The following MAP3K5 variants were observed in gnomAD, a reference collection of about 807,000 sequenced individuals.
MAP3K5 encodes ASK-1.
In MAP3K5, 56 loss-of-function variants were observed where a neutral mutation model predicts 158.7. That is an observed-to-expected ratio of 0.35 (90% CI 0.28 to 0.44). MAP3K5 has a LOEUF of 0.44. Ranked by LOEUF, MAP3K5 falls within the 20% of genes least tolerant of loss-of-function variation. The pLI is 1.00. For synonymous variants in MAP3K5, 579 were observed against 601.7 expected (o/e 0.96, Z 0.55); for missense variants, 1,294 against 1,674.8 (o/e 0.77, Z 3.97).
intron 1 of MAP3K5, among the ~76,000 whole-genome samples, chr6:136,777,413 T>G (rs1293197426): frequency 6.6e-6 from 1 of 152,176 alleles, no homozygotes; most frequent in East Asian, 1.9e-4. Flanking sequence ...TAAAGTGCAG[T>G]GGTGCAATTG....
chr6:136,776,181 T>C (rs1004203707), intron 1 of MAP3K5, among the ~76,000 whole-genome samples: 5 of 152,228 alleles, frequency 3.3e-5, no homozygotes, highest in Non-Finnish European at 4.4e-5. Context: ...GTATACACGA[T>C]TCGTCTAAAG....
chr6:136,701,881 A>G (rs1263335549), intron 3 of MAP3K5, among the ~76,000 whole-genome samples: 1 of 152,250 alleles, frequency 6.6e-6, no homozygotes, highest in African/African-American at 2.4e-5. Context: ...TTGATACTAC[A>G]TATATTAGTT....
rs1266911449 is a variant in MAP3K5, at chr6:136,757,575, A to ATTTTTT, written c.448+34134_448+34135insAAAAAA. On this transcript the variant is annotated intron_variant, in intron 1 of 29. Transcript: ENST00000359015. The stretch of plus-strand genomic sequence containing the variant: ...GAGAACTCATTTTATAGATTTATTT[A>ATTTTTT]TTTATTTTTTATTTTTTTTTTTTTT... Among the ~76,000 whole-genome samples, 42 of 111,316 alleles carry ATTTTTT rather than the reference A, an allele frequency of 3.8e-4. 1 individual carries two copies. The highest frequency in any genetic ancestry group is 1.2e-3 in the African/African-American group (36 of 30,396). The allele number at this position is 111,316 out of a possible 152,430, so 73.0% of individuals were successfully genotyped here. A position where few individuals can be genotyped will look rare whatever the true frequency, so the allele number is the denominator to read the frequency against.
chr6:136,648,724 T>G (rs1433263790), intron 11 of MAP3K5, among the ~76,000 whole-genome samples: 1 of 152,130 alleles, frequency 6.6e-6, no homozygotes, highest in Non-Finnish European at 1.5e-5. Context: ...CCGGGACTGG[T>G]GATTTCTTGC....
chr6:136,685,627 T>G (rs551341494), intron 7 of MAP3K5, among the ~76,000 whole-genome samples: 15 of 152,174 alleles, frequency 9.9e-5, no homozygotes, highest in Non-Finnish European at 5.9e-5. Flanking sequence ...CCTTAAACTT[T>G]CCATGATCAG....
chr6:136,718,708 G>A (rs1583471842), intron 2 of MAP3K5, among the ~76,000 whole-genome samples: 1 of 152,116 alleles, frequency 6.6e-6, no homozygotes, highest in East Asian at 1.9e-4. Flanking sequence ...ACATATGTGT[G>A]GTAAGATTAG....
Position 136,557,769 on chromosome 6 carries a change from T to C in MAP3K5, c.4114A>G (p.Lys1372Glu). ...AGATTGAGCAACAGTCAAGTCTGTT[T>C]GTTTCGAAAGTCAATGATAGCCTTC... ...LWKAIIDFRN[K>E]QT The change falls in exon 30 of 30, where the codon AAA becomes GAA. Residue 1372 changes from lysine to glutamate, a missense_variant. Transcript: ENST00000359015. The C allele has an allele frequency of 6.2e-7, 1 of 1,611,904 alleles. No homozygotes were observed. The highest frequency in any genetic ancestry group is 1.1e-5 in the South Asian group (1 of 91,020).
At chr6:136,633,661 A>G (rs1466508118) in intron 14 of MAP3K5, among the ~76,000 whole-genome samples, 2 of 152,164 alleles carry the variant, frequency 1.3e-5, no homozygotes, top group Non-Finnish European at 2.9e-5. Context: ...ACTGCTTCAA[A>G]TAAACCTTAT....
intron 3 of MAP3K5, among the ~76,000 whole-genome samples, chr6:136,702,225 G>A (rs1780884779): frequency 6.6e-6 from 1 of 152,074 alleles, no homozygotes; most frequent in Non-Finnish European, 1.5e-5. Context: ...AAAAAAGGGG[G>A]GTGATAAGCT....
chr6:136,792,502 C>G, upstream of MAP3K5: 1 of 508,460 alleles, frequency 2.0e-6, no homozygotes, highest in Non-Finnish European at 2.5e-6. This position sits in a 1 kb window ranked among gnomAD's most constrained non-coding sequence, Gnocchi z 5.7. Context: ...CGGTGCAGCT[C>G]AAGGGCGCCG....
intron 25 of MAP3K5, among the ~76,000 whole-genome samples, chr6:136,578,796 G>A (rs891646578): frequency 6.6e-6 from 1 of 152,122 alleles, no homozygotes; most frequent in African/African-American, 2.4e-5. Flanking sequence ...TGTTCTATGA[G>A]AAGAGAGGGA....
chr6:136,792,561 G>C (rs957682116), upstream of MAP3K5: 14 of 181,526 alleles, frequency 7.7e-5, no homozygotes, highest in Non-Finnish European at 1.4e-4. The surrounding 1 kb of genome is among the most constrained non-coding windows in gnomAD (Gnocchi z 5.7). Context: ...GCGCCGCGCC[G>C]CGCCGCGCAG....
chr6:136,577,968 T>G (rs550609230), intron 25 of MAP3K5, among the ~76,000 whole-genome samples: 29 of 152,318 alleles, frequency 1.9e-4, no homozygotes, highest in Admixed American at 1.5e-3. Context: ...AGTAAACAGA[T>G]CATTTATATG....
chr6:136,677,173 T>G (rs1355664184), intron 7 of MAP3K5, among the ~76,000 whole-genome samples: 1 of 145,310 alleles, frequency 6.9e-6, no homozygotes, highest in African/African-American at 2.6e-5. Flanking sequence ...AGTGTCGCTC[T>G]GTTGCTCAGG....
intron 2 of MAP3K5, among the ~76,000 whole-genome samples, chr6:136,709,720 C>T (rs1781229223): frequency 6.6e-6 from 1 of 152,202 alleles, no homozygotes; most frequent in Non-Finnish European, 1.5e-5. Flanking sequence ...ATTATGCATA[C>T]CTTATAATGC....
chr6:136,737,781 T>C (rs1007743201), intron 1 of MAP3K5, among the ~76,000 whole-genome samples: 19 of 152,318 alleles, frequency 1.2e-4, no homozygotes, highest in South Asian at 1.2e-3. Flanking sequence ...GTGCAATGGC[T>C]GGACATGTGA....
At chr6:136,765,620 C>G (rs1472301756) in intron 1 of MAP3K5, among the ~76,000 whole-genome samples, 1 of 151,768 alleles carries the variant, frequency 6.6e-6, no homozygotes, top group Admixed American at 6.6e-5. Context: ...TCAAGCAAAT[C>G]TCCTGCCTCA....
At chr6:136,661,367 A>G (rs1014456363) in intron 8 of MAP3K5, among the ~76,000 whole-genome samples, 5 of 152,136 alleles carry the variant, frequency 3.3e-5, no homozygotes, top group African/African-American at 1.2e-4. Flanking sequence ...GCATAGGACA[A>G]CATCCACGGT....
chr6:136,754,209 G>A (rs9389434), intron 1 of MAP3K5, among the ~76,000 whole-genome samples: 54,432 of 151,272 alleles, frequency 0.36, 11,827 homozygotes, highest in Non-Finnish European at 0.48. Flanking sequence ...GGAGGCAGAC[G>A]TTGCAGTGAG....
Sources: gnomAD v4.1 joint callset for allele counts (sites outside exome capture counted in the v4.1 genomes callset) on GRCh38, gnomAD v4.1.1 for gene constraint, Gnocchi (gnomAD v3.1) non-coding constraint, MANE v1.5 for transcripts, NCBI Gene and HGNC (gene_info 2026-07-23, HGNC 2026-07-21) for gene names.